The following DKK2 variants were observed in gnomAD, a reference collection of about 807,000 sequenced individuals.
DKK2 encodes dickkopf Wnt signaling pathway inhibitor 2, also known as dickkopf-related protein 2.
In DKK2, 11 loss-of-function variants were observed where a neutral mutation model predicts 28.1. The observed-to-expected ratio is 0.39, with a 90% confidence interval of 0.25 to 0.65. The LOEUF (loss-of-function observed/expected upper bound fraction) is 0.65. DKK2 is among the 30% of genes least tolerant of loss of function. DKK2 has a pLI of 0.47. For synonymous variants in DKK2, 135 were observed against 126.5 expected (o/e 1.07, Z -0.45); for missense variants, 326 against 335.5 (o/e 0.97, Z 0.22).
chr4:106,942,750 G>C (rs925888828), intron 1 of DKK2, among the ~76,000 whole-genome samples: 3 of 152,078 alleles, frequency 2.0e-5, no homozygotes, highest in Admixed American at 6.6e-5. Context: ...GGGTCAGTCT[G>C]TAATCTTATT....
chr4:106,998,563 A>T (rs1018124079), intron 1 of DKK2, among the ~76,000 whole-genome samples: 1 of 152,212 alleles, frequency 6.6e-6, no homozygotes, highest in African/African-American at 2.4e-5. Context: ...AAATTACAAC[A>T]ATTGTAAATG....
rs1294947340 is a variant in DKK2 at position 106,981,029 on chromosome 4, A to G, written c.222+54341T>C. Among the ~76,000 whole-genome samples the G allele has an allele frequency of 6.6e-5, 10 of 152,256 alleles. 1 individual carries two copies. The highest frequency in any genetic ancestry group is 4.6e-4 in the Admixed American group (7 of 15,288). On this transcript the variant is annotated intron_variant, in intron 1 of 3. Coordinates refer to ENST00000285311, the MANE Select transcript of DKK2 (RefSeq NM_014421.3). ...AGCAAGAATTTACTACTGCTGCCCA[A>G]ATGAAAAAGTAACTGGAATTTGCTG...
intron 1 of DKK2, among the ~76,000 whole-genome samples, chr4:106,979,250 C>T (rs977567041): frequency 3.9e-5 from 6 of 151,932 alleles, no homozygotes; most frequent in Admixed American, 1.3e-4. Flanking sequence ...CACCCATTAC[C>T]TCATTAAATA....
intron 1 of DKK2, among the ~76,000 whole-genome samples, chr4:106,993,767 A>T (rs1723235488): frequency 6.6e-6 from 1 of 152,200 alleles, no homozygotes. Context: ...TTTGATTATG[A>T]ATGTTGTGAA....
intron 1 of DKK2, among the ~76,000 whole-genome samples, chr4:106,934,357 AAGAG>A (rs896207747): frequency 1.3e-5 from 2 of 152,200 alleles, no homozygotes; most frequent in Admixed American, 6.5e-5. Flanking sequence ...GTTTCATACT[AAGAG>A]AGCTGGAAAA....
At chr4:107,021,015 A>G (rs1467934984) in intron 1 of DKK2, among the ~76,000 whole-genome samples, 1 of 152,134 alleles carries the variant, frequency 6.6e-6, no homozygotes, top group East Asian at 1.9e-4. Context: ...TCTAATGGAA[A>G]AGACCAGATT....
chr4:106,933,502 A>T (rs1455706849), intron 1 of DKK2, among the ~76,000 whole-genome samples: 1 of 152,184 alleles, frequency 6.6e-6, no homozygotes, highest in Non-Finnish European at 1.5e-5. Context: ...CTTTGGGAGG[A>T]ACGCTGTGTG....
chr4:106,992,673 A>C (rs1432801437), intron 1 of DKK2, among the ~76,000 whole-genome samples: 2 of 152,244 alleles, frequency 1.3e-5, no homozygotes, highest in African/African-American at 4.8e-5. Flanking sequence ...GTAGCATTTC[A>C]AGCATATATT....
At chr4:106,951,862 A>G (rs1426241070) in intron 1 of DKK2, among the ~76,000 whole-genome samples, 1 of 152,200 alleles carries the variant, frequency 6.6e-6, no homozygotes, top group African/African-American at 2.4e-5. Flanking sequence ...CCTAAGAAAG[A>G]AAATAATAGA....
At chr4:106,929,208 G>A (rs1410759119) in intron 1 of DKK2, among the ~76,000 whole-genome samples, 3 of 152,054 alleles carry the variant, frequency 2.0e-5, no homozygotes, top group African/African-American at 7.2e-5. Flanking sequence ...TATTTTAAAG[G>A]TGAATTAAAG....
intron 1 of DKK2, among the ~76,000 whole-genome samples, chr4:107,025,858 C>A (rs1003962398): frequency 3.3e-5 from 5 of 152,156 alleles, no homozygotes; most frequent in Admixed American, 1.3e-4. Flanking sequence ...AATTTATCTC[C>A]CACCAGGTAG....
In DKK2 at chr4:107,022,258, C is replaced by T. The variant is rs182188194; in HGVS notation, c.222+13112G>A. 4.9e-3 allele frequency among the ~76,000 whole-genome samples: 739 copies of T among 152,196 alleles called. 3 individuals are homozygous for T. The highest frequency in any genetic ancestry group is 6.9e-3 in the Non-Finnish European group (467 of 67,996). On this transcript the variant is annotated intron_variant, in intron 1 of 3. Coordinates refer to ENST00000285311, the MANE Select transcript of DKK2 (RefSeq NM_014421.3). Reference sequence around the variant, plus strand: ...AAGTGCACTACATTTGTTTTTATTGCTACATATACCTTGTCCTAAATGTTT... The same window carrying T: ...AAGTGCACTACATTTGTTTTTATTGTTACATATACCTTGTCCTAAATGTTT...
intron 1 of DKK2, among the ~76,000 whole-genome samples, chr4:106,958,493 A>T (rs989942866): frequency 2.6e-5 from 4 of 152,038 alleles, no homozygotes; most frequent in African/African-American, 9.7e-5. Context: ...GTCTAAATTT[A>T]TGGGGGCATG....
intron 1 of DKK2, among the ~76,000 whole-genome samples, chr4:107,028,145 C>T (rs1245121453): frequency 6.6e-6 from 1 of 150,432 alleles, no homozygotes; most frequent in Non-Finnish European, 1.5e-5. Flanking sequence ...TGCTTATTTT[C>T]TGCAATACAA....
intron 1 of DKK2, among the ~76,000 whole-genome samples, chr4:106,967,616 C>T (rs1297454142): frequency 6.6e-6 from 1 of 152,048 alleles, no homozygotes; most frequent in Admixed American, 6.6e-5. Flanking sequence ...CATGTTATGC[C>T]ACAGATCTGT....
intron 1 of DKK2, among the ~76,000 whole-genome samples, chr4:106,936,570 A>G (rs1365828046): frequency 1.3e-5 from 2 of 152,240 alleles, no homozygotes; most frequent in African/African-American, 4.8e-5. Context: ...GAACTTCCCC[A>G]ATCTAGCAAG....
rs565470772 is a variant in DKK2, at chr4:106,992,422, C to A, written c.222+42948G>T. ...TCTTCATGCCTGGCTGCCCCTCTTC[C>A]CACCTCTTGGCCATTGAAAGTTTGC... is the stretch of plus-strand genomic sequence containing the variant. On this transcript the variant is annotated intron_variant, in intron 1 of 3. Transcript: ENST00000285311. Among the ~76,000 whole-genome samples the A allele has an allele frequency of 2.6e-5, 4 of 152,270 alleles. No homozygotes were observed. The South Asian group carries it at 6.2e-4, about 24-fold the overall frequency.
chr4:106,993,340 A>G (rs762144393), intron 1 of DKK2, among the ~76,000 whole-genome samples: 3 of 152,222 alleles, frequency 2.0e-5, no homozygotes, highest in Non-Finnish European at 4.4e-5. Context: ...GTACATACTA[A>G]AATGTTCAAT....
At chr4:106,992,177 C>A (rs1032928485) in intron 1 of DKK2, among the ~76,000 whole-genome samples, 1 of 152,150 alleles carries the variant, frequency 6.6e-6, no homozygotes, top group Non-Finnish European at 1.5e-5. Context: ...CTAGACTGCC[C>A]TAAGCCCCGG....
Sources: gnomAD v4.1 joint callset for allele counts (sites outside exome capture counted in the v4.1 genomes callset) on GRCh38, gnomAD v4.1.1 for gene constraint, MANE v1.5 for transcripts, NCBI Gene and HGNC (gene_info 2026-07-23, HGNC 2026-07-21) for gene names.